The following VSTM4 variants were observed in gnomAD, a reference collection of about 807,000 sequenced individuals.
VSTM4 encodes the protein V-set and transmembrane domain containing 4.
A neutral mutation model predicts 36.4 loss-of-function variants in VSTM4; 20 were observed. The ratio of observed to expected loss-of-function variants is 0.55; its 90% CI spans 0.39 to 0.80. The LOEUF (loss-of-function observed/expected upper bound fraction) is 0.80. Among genes scored for constraint, VSTM4 ranks in the 30% least tolerant of loss-of-function variants. The probability of loss-of-function intolerance (pLI) is 0.00; values close to 1 mark genes in which losing one functional copy is unlikely to be tolerated. For missense variants in VSTM4, 392 were observed against 404.5 expected, an observed-to-expected ratio of 0.97 and a Z score of 0.26; for synonymous variants, 182 against 173.9, an observed-to-expected ratio of 1.05 and a Z score of -0.37.
intron 1 of VSTM4, among the ~76,000 whole-genome samples, chr10:49,114,586 T>G (rs979415515): frequency 3.6e-5 from 2 of 54,922 alleles, no homozygotes; most frequent in Non-Finnish European, 7.0e-5. Context: ...CAAGTTCATG[T>G]TTTTTTTTTT....
At chr10:49,061,159 A>G (rs1033547052) in intron 5 of VSTM4, among the ~76,000 whole-genome samples, 3 of 152,174 alleles carry the variant, frequency 2.0e-5, no homozygotes, top group Non-Finnish European at 4.4e-5. Context: ...GTCACTTTCA[A>G]CAAAAAACTG....
chr10:49,064,849 T>C, intron 4 of VSTM4, 113 bp from the exon 5 acceptor site: 2 of 1,086,358 alleles, frequency 1.8e-6, no homozygotes, highest in South Asian at 2.9e-5. Context: ...ATTGGTGCTA[T>C]ACCACCCAAC....
At chr10:49,037,520 G>A (rs1006407256) in intron 7 of VSTM4, among the ~76,000 whole-genome samples, 2 of 152,168 alleles carry the variant, frequency 1.3e-5, no homozygotes, top group African/African-American at 4.8e-5. Flanking sequence ...CATATACATT[G>A]GCCAAAGGGG....
chr10:49,023,492 T>A (rs1843211767), intron 7 of VSTM4, among the ~76,000 whole-genome samples: 1 of 152,194 alleles, frequency 6.6e-6, no homozygotes, highest in South Asian at 2.1e-4. Flanking sequence ...TCACTAAGAC[T>A]AGGTAAACTA....
intron 5 of VSTM4, among the ~76,000 whole-genome samples, chr10:49,056,556 A>G (rs1327628238): frequency 6.6e-6 from 1 of 152,192 alleles, no homozygotes; most frequent in Non-Finnish European, 1.5e-5. Context: ...GGATGGATGC[A>G]TGTGGGCTGA....
chr10:49,062,945 T>C (rs1410986073), intron 5 of VSTM4, among the ~76,000 whole-genome samples: 2 of 152,166 alleles, frequency 1.3e-5, no homozygotes, highest in Non-Finnish European at 2.9e-5. Flanking sequence ...ATAATTTCCA[T>C]ATGTTTGTTT....
At chr10:49,047,639 C>T (rs1349439024) in intron 6 of VSTM4, among the ~76,000 whole-genome samples, 1 of 152,158 alleles carries the variant, frequency 6.6e-6, no homozygotes, top group African/African-American at 2.4e-5. Flanking sequence ...TGATGCCTGG[C>T]CCAGGCAGGC....
chr10:49,068,549 C>T (rs890971405), intron 4 of VSTM4, among the ~76,000 whole-genome samples: 10 of 152,072 alleles, frequency 6.6e-5, no homozygotes, highest in African/African-American at 2.4e-4. Flanking sequence ...GAGGGACTGC[C>T]CACAGGATCA....
chr10:49,063,065 G>A (rs1456277966), intron 5 of VSTM4, among the ~76,000 whole-genome samples: 3 of 150,954 alleles, frequency 2.0e-5, no homozygotes, highest in Non-Finnish European at 2.9e-5. Flanking sequence ...AAGCCTGCAG[G>A]TGGTGCCTCA....
chr10:49,108,349 C>T (rs1418810042), intron 1 of VSTM4, among the ~76,000 whole-genome samples: 1 of 152,228 alleles, frequency 6.6e-6, no homozygotes, highest in Non-Finnish European at 1.5e-5. Context: ...GTCTAGCCCA[C>T]ATCCAACCCC....
chr10:49,041,231 A>G (rs547216907), intron 7 of VSTM4, among the ~76,000 whole-genome samples: 1 of 152,340 alleles, frequency 6.6e-6, no homozygotes, highest in South Asian at 2.1e-4. Context: ...ATGGTCTGAT[A>G]GAGGCCCTAC....
At chr10:49,079,430 T>C (rs766773134) in intron 3 of VSTM4, among the ~76,000 whole-genome samples, 14 of 152,156 alleles carry the variant, frequency 9.2e-5, no homozygotes, top group Non-Finnish European at 1.2e-4. Context: ...ATCAATACAA[T>C]GCCAAGCTGC....
chr10:49,076,498 C>T (rs564356414), intron 4 of VSTM4, among the ~76,000 whole-genome samples: 1 of 152,142 alleles, frequency 6.6e-6, no homozygotes, highest in African/African-American at 2.4e-5. Context: ...GCCACAGTGT[C>T]CCCAAGCTGT....
intron 2 of VSTM4, chr10:49,103,650 C>G: frequency 6.5e-7 from 1 of 1,539,880 alleles, no homozygotes; most frequent in South Asian, 1.3e-5. Context: ...ATGTGCTGGG[C>G]GAGGTGTTCA....
At chr10:49,025,408 G>A (rs1843244744) in intron 7 of VSTM4, among the ~76,000 whole-genome samples, 1 of 151,980 alleles carries the variant, frequency 6.6e-6, no homozygotes, top group African/African-American at 2.4e-5. Flanking sequence ...GGGGACAAAG[G>A]TCTGATACAT....
chr10:49,046,185 G>A (rs1843608179), intron 7 of VSTM4, among the ~76,000 whole-genome samples: 1 of 152,062 alleles, frequency 6.6e-6, no homozygotes, highest in Non-Finnish European at 1.5e-5. Flanking sequence ...CCAGTCTTGG[G>A]TAGTATCTTT....
At chr10:49,023,588 C>T (rs1051096307) in intron 7 of VSTM4, among the ~76,000 whole-genome samples, 1 of 152,166 alleles carries the variant, frequency 6.6e-6, no homozygotes, top group African/African-American at 2.4e-5. Context: ...TGACGAGGAG[C>T]CTGTTGCAAA....
intron 1 of VSTM4, among the ~76,000 whole-genome samples, chr10:49,110,378 AT>A (rs1223773477): frequency 6.6e-6 from 1 of 152,124 alleles, no homozygotes; most frequent in Admixed American, 6.5e-5. Flanking sequence ...GGGTCAGGGG[AT>A]CCCAGGAAAG....
intron 2 of VSTM4, among the ~76,000 whole-genome samples, chr10:49,101,690 T>G (rs151101951): frequency 2.0e-5 from 3 of 152,324 alleles, no homozygotes; most frequent in African/African-American, 7.2e-5. Context: ...ATTTTGGCAT[T>G]GTCTACAAAA....
Sources: gnomAD v4.1 joint callset for allele counts (sites outside exome capture counted in the v4.1 genomes callset) on GRCh38, gnomAD v4.1.1 for gene constraint, MANE v1.5 for transcripts, NCBI Gene and HGNC (gene_info 2026-07-23, HGNC 2026-07-21) for gene names.